GNB4: variants seen among roughly 807,000 people sequenced by gnomAD.
GNB4 encodes guanine nucleotide-binding protein subunit beta-4.
Under a neutral mutation model 45.2 loss-of-function variants are expected in GNB4, and 28 were observed. That is an observed-to-expected ratio of 0.62 (90% confidence interval 0.46 to 0.85). The LOEUF (loss-of-function observed/expected upper bound fraction) is 0.85. Among genes scored for constraint, GNB4 ranks in the 40% least tolerant of loss-of-function variants. The probability of loss-of-function intolerance (pLI) is 0.00; values close to 1 mark genes in which losing one functional copy is unlikely to be tolerated. For missense variants in GNB4, 321 were observed against 425.4 expected, an observed-to-expected ratio of 0.75 and a Z score of 2.16; for synonymous variants, 132 against 143.7, an observed-to-expected ratio of 0.92 and a Z score of 0.58.
At chr3:179,438,490 G>A (rs1436736421) in intron 1 of GNB4, among the ~76,000 whole-genome samples, 1 of 152,114 alleles carries the variant, frequency 6.6e-6, no homozygotes, top group Non-Finnish European at 1.5e-5. Flanking sequence ...GCCCAGCAAG[G>A]GAAATATATG....
chr3:179,509,386 TATTCAC>T, the GNB4 span, among the ~76,000 whole-genome samples: 10 of 152,284 alleles, frequency 6.6e-5, 1 homozygote, highest in African/African-American at 2.4e-4. Flanking sequence ...ATAAACTAGA[TATTCAC>T]ACTGGCATTC....
chr3:179,445,794 T>A (rs1715706312), intron 1 of GNB4, among the ~76,000 whole-genome samples: 1 of 152,136 alleles, frequency 6.6e-6, no homozygotes, highest in Non-Finnish European at 1.5e-5. Context: ...TTTTAGAGGG[T>A]TCCTACTGCA....
chr3:179,475,072 A>G, the GNB4 span, among the ~76,000 whole-genome samples: 1 of 152,062 alleles, frequency 6.6e-6, no homozygotes, highest in African/African-American at 2.4e-5. Flanking sequence ...AGAGCAAGAG[A>G]CAGAGACAGA....
At chr3:179,461,325 G>A in the GNB4 span, among the ~76,000 whole-genome samples, 1 of 152,106 alleles carries the variant, frequency 6.6e-6, no homozygotes, top group East Asian at 1.9e-4. Context: ...GTGAAACCCC[G>A]TCTCTACTAA....
At position 179,440,876 on chromosome 3, in the gene GNB4, T is replaced by TAGAGAGAGAGAGAG. The variant is rs1358506608; in HGVS notation, c.-43+10469_-43+10470insCTCTCTCTCTCTCT. ...TTTTAAAAATTCCTATATATATAGA[T>TAGAGAGAGAGAGAG]AGATAGAGAGAGAGAGAGAGAGAGA... On this transcript the variant is annotated intron_variant, in intron 1 of 9. Transcript: ENST00000232564. Among the ~76,000 whole-genome samples, 285 of 110,694 alleles carry TAGAGAGAGAGAGAG rather than the reference T, an allele frequency of 2.6e-3. 1 individual carries two copies. Among genetic ancestry groups the TAGAGAGAGAGAGAG allele is most frequent in the African/African-American group, 0.011 (246 of 23,284 alleles). The allele number at this position is 110,694 out of a possible 152,430, so 72.6% of individuals were successfully genotyped here.
intron 9 of GNB4, 97 bp downstream of exon 9, chr3:179,405,093 A>C (rs939834336): frequency 2.4e-6 from 2 of 820,700 alleles, no homozygotes; most frequent in East Asian, 5.2e-5. Flanking sequence ...ACCACTTTCC[A>C]CAACTCCAAG....
chr3:179,515,429 C>T, the GNB4 span, among the ~76,000 whole-genome samples: 2 of 151,320 alleles, frequency 1.3e-5, no homozygotes, highest in Non-Finnish European at 2.9e-5. Flanking sequence ...AGGGGTGGGG[C>T]TGTGTTATAG....
the GNB4 span, among the ~76,000 whole-genome samples, chr3:179,466,894 C>T: frequency 2.6e-5 from 4 of 152,216 alleles, no homozygotes; most frequent in African/African-American, 9.6e-5. Flanking sequence ...AGCATTTCTA[C>T]AATTTAATTT....
chr3:179,420,461 T>C (rs569258359), intron 3 of GNB4, among the ~76,000 whole-genome samples: 1 of 86,008 alleles, frequency 1.2e-5, no homozygotes, highest in Admixed American at 1.6e-4. Context: ...TATACATATA[T>C]ATATATATAT....
the GNB4 span, among the ~76,000 whole-genome samples, chr3:179,478,954 C>T: frequency 6.6e-6 from 1 of 152,180 alleles, no homozygotes; most frequent in Non-Finnish European, 1.5e-5. Context: ...CCTGCTTCCC[C>T]TTTGCCTTCT....
the GNB4 span, among the ~76,000 whole-genome samples, chr3:179,516,968 A>T: frequency 6.6e-6 from 1 of 152,078 alleles, no homozygotes; most frequent in Non-Finnish European, 1.5e-5. Flanking sequence ...CGGCCTTGAG[A>T]AGAGTTTTTA....
the GNB4 span, among the ~76,000 whole-genome samples, chr3:179,468,185 A>C: frequency 1.3e-5 from 2 of 150,858 alleles, no homozygotes; most frequent in African/African-American, 2.4e-5. Flanking sequence ...GCATCAGAGC[A>C]AGACCTTGTC....
At chr3:179,482,908 G>A in the GNB4 span, among the ~76,000 whole-genome samples, 15 of 152,128 alleles carry the variant, frequency 9.9e-5, no homozygotes, top group Admixed American at 8.5e-4. Context: ...AAAAGTTAGT[G>A]GGAACTTTTA....
the GNB4 span, among the ~76,000 whole-genome samples, chr3:179,500,513 G>A: frequency 1.3e-5 from 2 of 152,154 alleles, no homozygotes; most frequent in East Asian, 1.9e-4. Context: ...AAGTCAGGTA[G>A]CGTGATGCCT....
At chr3:179,468,044 A>ATATATATATATATATATATATG in the GNB4 span, among the ~76,000 whole-genome samples, 216 of 99,026 alleles carry the variant, frequency 2.2e-3, 22 homozygotes, top group African/African-American at 4.3e-3. Context: ...AAATATATAT[A>ATATATATATATATATATATATG]TATATAGAAC....
chr3:179,524,864 G>A, the GNB4 span, among the ~76,000 whole-genome samples: 3 of 152,316 alleles, frequency 2.0e-5, no homozygotes, highest in South Asian at 2.1e-4. Flanking sequence ...TTGGGCAGGT[G>A]GGGGAGGGCT....
the GNB4 span, among the ~76,000 whole-genome samples, chr3:179,498,583 C>T: frequency 1.6e-4 from 25 of 152,078 alleles, no homozygotes; most frequent in African/African-American, 5.1e-4. Context: ...TACAGGCATG[C>T]GCCACCATGC....
At chr3:179,442,267 G>A (rs1001178961) in intron 1 of GNB4, among the ~76,000 whole-genome samples, 18 of 152,226 alleles carry the variant, frequency 1.2e-4, no homozygotes, top group African/African-American at 4.3e-4. Flanking sequence ...TACACAATAC[G>A]TTTTGAAACT....
the GNB4 span, among the ~76,000 whole-genome samples, chr3:179,462,839 A>C: frequency 0.019 from 2,885 of 152,206 alleles, 36 homozygotes; most frequent in Non-Finnish European, 0.027. Flanking sequence ...TCCGTCCCCA[A>C]AAAAAAATTA....
Sources: gnomAD v4.1 joint callset for allele counts (sites outside exome capture counted in the v4.1 genomes callset) on GRCh38, gnomAD v4.1.1 for gene constraint, MANE v1.5 for transcripts, NCBI Gene and HGNC (gene_info 2026-07-23, HGNC 2026-07-21) for gene names.